The following CSMD1 variants were observed in gnomAD, a reference collection of about 807,000 sequenced individuals.
CSMD1 encodes CUB and sushi domain-containing protein 1.
CSMD1 carries 213 observed loss-of-function variants against 417.5 expected under a neutral mutation model. The ratio of observed to expected loss-of-function variants is 0.51; its 90% CI spans 0.46 to 0.57. CSMD1 has a LOEUF of 0.57. Among genes scored for constraint, CSMD1 ranks in the 20% least tolerant of loss-of-function variants. The pLI is 0.00. For synonymous variants in CSMD1, 2,862 were observed against 1,736.8 expected (o/e 1.65, Z -16.11); for missense variants, 6,923 against 4,529.7 (o/e 1.53, Z -15.17).
intron 4 of CSMD1, among the ~76,000 whole-genome samples, chr8:4,011,001 G>T (rs77646001): frequency 0.014 from 2,097 of 152,260 alleles, 52 homozygotes; most frequent in African/African-American, 0.048. Context: ...CTTTCTGGGG[G>T]ATGACTGTTT....
intron 52 of CSMD1, 29 bp downstream of exon 52, chr8:3,018,448 A>G (rs749716609): frequency 5.0e-6 from 8 of 1,604,912 alleles, no homozygotes; most frequent in Non-Finnish European, 6.0e-6. Flanking sequence ...ATCTGCATTA[A>G]GTAAGTGCCA....
chr8:2,942,429 T>G (rs1382557199), intron 69 of CSMD1, 43 bp downstream of exon 69: 2 of 1,571,194 alleles, frequency 1.3e-6, no homozygotes, highest in African/African-American at 2.7e-5. Context: ...AACCCATAGT[T>G]TACACTCACA....
intron 2 of CSMD1, among the ~76,000 whole-genome samples, chr8:4,628,029 C>A (rs912772014): frequency 7.9e-5 from 12 of 151,616 alleles, no homozygotes; most frequent in Non-Finnish European, 8.8e-5. Flanking sequence ...GCCACTGTTC[C>A]CTGGGACAAA....
chr8:4,403,893 A>G (rs1804828926), intron 3 of CSMD1, among the ~76,000 whole-genome samples: 1 of 152,146 alleles, frequency 6.6e-6, no homozygotes. Flanking sequence ...TGATTCTCAC[A>G]TCCCCTACCC....
At chr8:3,077,665 G>A (rs1258530511) in intron 49 of CSMD1, among the ~76,000 whole-genome samples, 2 of 152,218 alleles carry the variant, frequency 1.3e-5, no homozygotes, top group Non-Finnish European at 2.9e-5. Context: ...ATGCCTGCAT[G>A]CCCATCGGGG....
chr8:4,562,224 C>T (rs978699776), intron 2 of CSMD1, among the ~76,000 whole-genome samples: 1 of 151,948 alleles, frequency 6.6e-6, no homozygotes, highest in Non-Finnish European at 1.5e-5. Flanking sequence ...CTGGAAGAAA[C>T]GACACACCGG....
rs999816955 is a variant in CSMD1, at chr8:4,854,402, G to A, written c.85+139930C>T. 1.7e-4 allele frequency among the ~76,000 whole-genome samples: 26 copies of A among 152,198 alleles called. No individual in the cohort carries two copies. The East Asian group carries it at 2.3e-3, about 14-fold the overall frequency. ...GTTGTTTAGAAGCGTGTGCCACTCC[G>A]GATCGAGCCAAGATGGCCGAATAGG... On this transcript the variant is annotated intron_variant, in intron 1 of 69. Coordinates refer to ENST00000635120, the MANE Select transcript of CSMD1 (RefSeq NM_033225.6).
intron 5 of CSMD1, among the ~76,000 whole-genome samples, chr8:3,914,113 C>A (rs771004774): frequency 6.6e-6 from 1 of 151,932 alleles, no homozygotes; most frequent in Non-Finnish European, 1.5e-5. Context: ...TTGTCTTCAG[C>A]GTTAGAATTT....
intron 26 of CSMD1, among the ~76,000 whole-genome samples, chr8:3,249,709 G>A (rs1460786829): frequency 2.6e-5 from 4 of 152,058 alleles, no homozygotes; most frequent in Non-Finnish European, 5.9e-5. Flanking sequence ...AGAAATAATA[G>A]ACATTTATAA....
intron 2 of CSMD1, among the ~76,000 whole-genome samples, chr8:4,595,389 T>TTATACTCTAAGTTTTAGGG (rs1554520259): frequency 1.3e-5 from 2 of 151,668 alleles, no homozygotes; most frequent in Admixed American, 6.6e-5. Context: ...TTCATTTTCA[T>TTATACTCTAAGTTTTAGGG]TCCATCCATC....
chr8:3,616,177 C>T (rs1198398980), intron 8 of CSMD1, among the ~76,000 whole-genome samples: 1 of 152,144 alleles, frequency 6.6e-6, no homozygotes, highest in African/African-American at 2.4e-5. Flanking sequence ...ACGCAAATCT[C>T]ATCTGGAACT....
intron 1 of CSMD1, among the ~76,000 whole-genome samples, chr8:4,970,595 GA>G (rs1810180288): frequency 6.6e-6 from 1 of 151,748 alleles, no homozygotes; most frequent in Non-Finnish European, 1.5e-5. Context: ...TTTTTTACCA[GA>G]AATATCTCTA....
At chr8:3,001,717 GA>G (rs1420851026) in intron 52 of CSMD1, among the ~76,000 whole-genome samples, 1 of 152,102 alleles carries the variant, frequency 6.6e-6, no homozygotes, top group East Asian at 1.9e-4. Flanking sequence ...CTTTTCGTAG[GA>G]AAACAGCTAC....
At chr8:3,977,466 C>T (rs189992500) in intron 5 of CSMD1, among the ~76,000 whole-genome samples, 6 of 151,902 alleles carry the variant, frequency 3.9e-5, no homozygotes, top group Admixed American at 6.6e-5. Flanking sequence ...GGCATTGGTG[C>T]GACTTAAAGA....
chr8:3,931,798 G>C (rs149890894), intron 5 of CSMD1, among the ~76,000 whole-genome samples: 3 of 148,432 alleles, frequency 2.0e-5, no homozygotes, highest in Non-Finnish European at 3.0e-5. Context: ...GGAATATTAA[G>C]TGGGCAATGG....
rs79668960 is a variant in CSMD1 at position 4,927,943 on chromosome 8, A to G, written c.85+66389T>C. Among the ~76,000 whole-genome samples, 71 of 152,278 alleles carry G rather than the reference A, an allele frequency of 4.7e-4. 1 individual carries two copies. In the East Asian group the frequency reaches 0.013, roughly 28 times the overall value. ...GAAAATCATTTTCTAAGTGTTTTCCACACTACATCTCCAGTGATTCTTTCA... is the reference window on the plus strand; with the variant it reads ...GAAAATCATTTTCTAAGTGTTTTCCGCACTACATCTCCAGTGATTCTTTCA... On this transcript the variant is annotated intron_variant, in intron 1 of 69. Coordinates refer to ENST00000635120, the MANE Select transcript of CSMD1 (RefSeq NM_033225.6).
chr8:4,029,459 G>C (rs113109400), intron 4 of CSMD1, among the ~76,000 whole-genome samples: 7 of 152,130 alleles, frequency 4.6e-5, no homozygotes, highest in African/African-American at 1.7e-4. Flanking sequence ...AAGTCAGCCT[G>C]TGCAGAGAAA....
chr8:4,967,259 T>G (rs1022511025), intron 1 of CSMD1, among the ~76,000 whole-genome samples: 1 of 152,194 alleles, frequency 6.6e-6, no homozygotes, highest in African/African-American at 2.4e-5. Flanking sequence ...TTAGGTTGAG[T>G]TTTTATCAAT....
At chr8:4,789,040 C>T (rs1797556807) in intron 1 of CSMD1, among the ~76,000 whole-genome samples, 1 of 152,132 alleles carries the variant, frequency 6.6e-6, no homozygotes, top group Non-Finnish European at 1.5e-5. Context: ...ACTCCTTGTT[C>T]CACAGTTTAT....
Sources: gnomAD v4.1 joint callset for allele counts (sites outside exome capture counted in the v4.1 genomes callset) on GRCh38, gnomAD v4.1.1 for gene constraint, MANE v1.5 for transcripts, NCBI Gene and HGNC (gene_info 2026-07-23, HGNC 2026-07-21) for gene names.